RNF180: variants seen among roughly 807,000 people sequenced by gnomAD.
RNF180 encodes ring finger protein 180.
A neutral mutation model predicts 59.2 loss-of-function variants in RNF180; 38 were observed. That is an observed-to-expected ratio of 0.64 (90% CI 0.50 to 0.84). RNF180 has a LOEUF of 0.84. RNF180 is among the 40% of genes least tolerant of loss of function. The pLI is 0.00. For synonymous variants in RNF180, 262 were observed against 240.3 expected, an observed-to-expected ratio of 1.09 and a Z score of -0.84; for missense variants, 705 against 700.9, an observed-to-expected ratio of 1.01 and a Z score of -0.07.
chr5:64,287,854 G>A (rs1163346748), intron 5 of RNF180, among the ~76,000 whole-genome samples: 2 of 151,894 alleles, frequency 1.3e-5, no homozygotes, highest in Non-Finnish European at 1.5e-5. Flanking sequence ...TTAGGTTGTC[G>A]GTTCACTCTG....
intron 7 of RNF180, among the ~76,000 whole-genome samples, chr5:64,333,745 C>CT (rs1244612862): frequency 1.3e-5 from 2 of 152,222 alleles, no homozygotes; most frequent in South Asian, 2.1e-4. Flanking sequence ...GTGATTTCTT[C>CT]TTGTCTTCCC....
At chr5:64,300,249 G>A (rs1251830619) in intron 5 of RNF180, among the ~76,000 whole-genome samples, 1 of 151,754 alleles carries the variant, frequency 6.6e-6, no homozygotes, top group Non-Finnish European at 1.5e-5. Context: ...GTGTGACATT[G>A]TGAAGGAAAA....
chr5:64,267,931 C>T (rs1296003611), intron 5 of RNF180, among the ~76,000 whole-genome samples: 5 of 152,148 alleles, frequency 3.3e-5, no homozygotes, highest in Admixed American at 3.3e-4. Flanking sequence ...CTACATTTAT[C>T]ATTGAAGGAT....
intron 5 of RNF180, among the ~76,000 whole-genome samples, chr5:64,249,215 C>T (rs778055184): frequency 9.2e-5 from 14 of 152,122 alleles, no homozygotes; most frequent in Non-Finnish European, 1.6e-4. Flanking sequence ...AACAATCCTG[C>T]ACATTCTGCA....
At chr5:64,248,238 A>G (rs1743314990) in intron 5 of RNF180, among the ~76,000 whole-genome samples, 1 of 152,228 alleles carries the variant, frequency 6.6e-6, no homozygotes, top group Non-Finnish European at 1.5e-5. Flanking sequence ...CCGTGGCAAC[A>G]AAAGCCAAAA....
At chr5:64,347,002 A>G (rs1745584384) in intron 7 of RNF180, among the ~76,000 whole-genome samples, 1 of 152,228 alleles carries the variant, frequency 6.6e-6, no homozygotes, top group African/African-American at 2.4e-5. Context: ...AATGTTATAA[A>G]TAAAAGAGAC....
chr5:64,322,167 TTAAG>T (rs1295284427), intron 5 of RNF180, among the ~76,000 whole-genome samples: 1 of 152,226 alleles, frequency 6.6e-6, no homozygotes, highest in African/African-American at 2.4e-5. Context: ...TAGGATCTAA[TTAAG>T]CTAACAAGCT....
chr5:64,216,771 G>T (rs931534483), intron 4 of RNF180, among the ~76,000 whole-genome samples: 4 of 152,190 alleles, frequency 2.6e-5, no homozygotes, highest in African/African-American at 9.6e-5. Flanking sequence ...GGGGAAAGAC[G>T]TAGCACTGAG....
chr5:64,346,559 G>A (rs1363373815), intron 7 of RNF180, among the ~76,000 whole-genome samples: 5 of 151,400 alleles, frequency 3.3e-5, no homozygotes, highest in Non-Finnish European at 7.4e-5. Flanking sequence ...TAGTAGAGAC[G>A]GGGTTTCATC....
chr5:64,269,061 C>T (rs995981038), intron 5 of RNF180, among the ~76,000 whole-genome samples: 1 of 152,246 alleles, frequency 6.6e-6, no homozygotes, highest in East Asian at 1.9e-4. Context: ...CTCTTATATT[C>T]TTTCCTTCCC....
chr5:64,182,281 AT>A (rs1322889002), intron 1 of RNF180, among the ~76,000 whole-genome samples: 1 of 152,136 alleles, frequency 6.6e-6, no homozygotes, highest in Non-Finnish European at 1.5e-5. Flanking sequence ...ACTTTCTTAA[AT>A]AATGTGATTC....
At chr5:64,229,597 G>A (rs1200993708) in intron 5 of RNF180, among the ~76,000 whole-genome samples, 2 of 152,170 alleles carry the variant, frequency 1.3e-5, no homozygotes, top group Non-Finnish European at 2.9e-5. Flanking sequence ...CTGCTTTTCA[G>A]GAACATTTAT....
chr5:64,197,948 A>G (rs1157133355), intron 1 of RNF180, among the ~76,000 whole-genome samples: 1 of 152,084 alleles, frequency 6.6e-6, no homozygotes, highest in Non-Finnish European at 1.5e-5. Flanking sequence ...TATACTATAT[A>G]TTTGAGGAGG....
chr5:64,311,536 T>A (rs1405567686), intron 5 of RNF180, among the ~76,000 whole-genome samples: 2 of 151,944 alleles, frequency 1.3e-5, no homozygotes, highest in Non-Finnish European at 2.9e-5. Context: ...TCTTTCCTGT[T>A]TTATCTTTTT....
At chr5:64,193,839 G>A (rs1323110050) in intron 1 of RNF180, among the ~76,000 whole-genome samples, 3 of 152,162 alleles carry the variant, frequency 2.0e-5, no homozygotes, top group East Asian at 1.9e-4. Context: ...TTACCTATCC[G>A]AAAACCTTGA....
At chr5:64,335,407 A>C (rs913680910) in intron 7 of RNF180, among the ~76,000 whole-genome samples, 2 of 151,912 alleles carry the variant, frequency 1.3e-5, no homozygotes, top group African/African-American at 4.8e-5. Context: ...ATATTTTCTT[A>C]TGTATTTTTC....
intron 5 of RNF180, among the ~76,000 whole-genome samples, chr5:64,250,693 C>T (rs1214071230): frequency 6.6e-6 from 1 of 152,034 alleles, no homozygotes; most frequent in Non-Finnish European, 1.5e-5. Flanking sequence ...ATACAACCTA[C>T]CAAGCCTAAA....
At chr5:64,329,115 T>C (rs1336595142) in intron 6 of RNF180, among the ~76,000 whole-genome samples, 1 of 152,226 alleles carries the variant, frequency 6.6e-6, no homozygotes, top group Non-Finnish European at 1.5e-5. Flanking sequence ...ATTTTTAAAA[T>C]TACCTCAAGT....
At chr5:64,217,601 A>T in intron 5 of RNF180, 2 of 724,948 alleles carry the variant, frequency 2.8e-6, no homozygotes, top group Non-Finnish European at 3.8e-6. Flanking sequence ...TTCCTTAAGG[A>T]TGCTGAACAT....
Sources: gnomAD v4.1 joint callset for allele counts (sites outside exome capture counted in the v4.1 genomes callset) on GRCh38, gnomAD v4.1.1 for gene constraint, MANE v1.5 for transcripts, NCBI Gene and HGNC (gene_info 2026-07-23, HGNC 2026-07-21) for gene names.